Variants in SERPINI1 observed in about 807,000 individuals in gnomAD.
SERPINI1 encodes neuroserpin.
A neutral mutation model predicts 41.1 loss-of-function variants in SERPINI1; 19 were observed. That is an observed-to-expected ratio of 0.46 (90% confidence interval 0.32 to 0.68). The LOEUF (loss-of-function observed/expected upper bound fraction) is 0.68. SERPINI1 is among the 30% of genes least tolerant of loss of function. SERPINI1 has a pLI of 0.03. For missense variants in SERPINI1, 460 were observed against 479.2 expected (o/e 0.96, Z 0.37); for synonymous variants, 138 against 156.6 (o/e 0.88, Z 0.89).
At chr3:167,780,949 A>G (rs1043513824) in intron 1 of SERPINI1, among the ~76,000 whole-genome samples, 1 of 152,134 alleles carries the variant, frequency 6.6e-6, no homozygotes, top group Non-Finnish European at 1.5e-5. Flanking sequence ...TCTAACACAT[A>G]ATTGTCTGTG....
chr3:167,798,567 GTT>G (rs752080748), intron 5 of SERPINI1, among the ~76,000 whole-genome samples: 14 of 151,910 alleles, frequency 9.2e-5, no homozygotes, highest in Non-Finnish European at 1.6e-4. Flanking sequence ...TATACTCTGT[GTT>G]TACTCAAGTG....
At chr3:167,791,611 C>G (rs1727514272) in intron 3 of SERPINI1, among the ~76,000 whole-genome samples, 1 of 152,134 alleles carries the variant, frequency 6.6e-6, no homozygotes, top group Non-Finnish European at 1.5e-5. Flanking sequence ...TTTTCAAACT[C>G]CTTTAGACAC....
chr3:167,744,768 T>A (rs541666289), intron 1 of SERPINI1, among the ~76,000 whole-genome samples: 1 of 97,670 alleles, frequency 1.0e-5, no homozygotes, highest in African/African-American at 4.4e-5. Flanking sequence ...ATATTAAATA[T>A]ATATTATATA....
chr3:167,759,399 G>GATATAT (rs1364573755), intron 1 of SERPINI1, among the ~76,000 whole-genome samples: 3 of 81,620 alleles, frequency 3.7e-5, no homozygotes, highest in Middle Eastern at 9.3e-3. Context: ...AAGAAAATGT[G>GATATAT]GTATATATAT....
At chr3:167,762,769 G>C (rs539081594) in intron 1 of SERPINI1, among the ~76,000 whole-genome samples, 11 of 151,816 alleles carry the variant, frequency 7.2e-5, no homozygotes, top group African/African-American at 2.7e-4. Flanking sequence ...CTTTCACTGA[G>C]GTTTTTTTTT....
intron 5 of SERPINI1, among the ~76,000 whole-genome samples, chr3:167,800,928 C>A (rs1253808416): frequency 6.6e-6 from 1 of 152,218 alleles, no homozygotes; most frequent in East Asian, 1.9e-4. Flanking sequence ...AGCCATTCTC[C>A]TGCCTCAGCC....
intron 1 of SERPINI1, among the ~76,000 whole-genome samples, chr3:167,777,412 G>A (rs1291913826): frequency 6.6e-6 from 1 of 152,156 alleles, no homozygotes; most frequent in Non-Finnish European, 1.5e-5. Flanking sequence ...GGATTGACCA[G>A]AGATTTATTT....
At chr3:167,815,832 G>A (rs951858995) in intron 6 of SERPINI1, among the ~76,000 whole-genome samples, 2 of 152,100 alleles carry the variant, frequency 1.3e-5, no homozygotes, top group Admixed American at 6.6e-5. Context: ...GAATCCAAAC[G>A]TTGCATTCAA....
chr3:167,759,912 G>T (rs1284014101), intron 1 of SERPINI1, among the ~76,000 whole-genome samples: 1 of 152,078 alleles, frequency 6.6e-6, no homozygotes, highest in East Asian at 1.9e-4. Flanking sequence ...ATTCTGACAG[G>T]TATTTCTGTA....
In SERPINI1 at chr3:167,748,359, A is replaced by G. The variant is rs542698925; in HGVS notation, c.-19+12536A>G. On this transcript the variant is annotated intron_variant, in intron 1 of 8. Transcript: ENST00000446050. The stretch of plus-strand genomic sequence containing the variant: ...CTATATTTGTATAAGACAAGGCAGA[A>G]TTCGAGGCAAAACCTTTAAGGTCAA... Among the ~76,000 whole-genome samples the G allele has an allele frequency of 3.9e-5, 6 of 152,350 alleles. No homozygotes were observed. The East Asian group carries it at 1.2e-3, about 29-fold the overall frequency.
chr3:167,802,947 A>G (rs1395736204), intron 5 of SERPINI1, among the ~76,000 whole-genome samples: 2 of 151,176 alleles, frequency 1.3e-5, no homozygotes, highest in African/African-American at 2.4e-5. Context: ...CTATGCAGCC[A>G]TAAAAAATGA....
chr3:167,750,365 A>G (rs1302060356), intron 1 of SERPINI1, among the ~76,000 whole-genome samples: 1 of 152,218 alleles, frequency 6.6e-6, no homozygotes, highest in Non-Finnish European at 1.5e-5. Flanking sequence ...ATATTTTTTC[A>G]GCCATGCAGT....
chr3:167,772,988 A>G (rs1171049643), intron 1 of SERPINI1, among the ~76,000 whole-genome samples: 2 of 104,508 alleles, frequency 1.9e-5, no homozygotes, highest in South Asian at 2.6e-4. Flanking sequence ...GTATATATAT[A>G]TATTTCTCTG....
rs1711681871 is a variant in SERPINI1 at position 167,807,300 on chromosome 3, C to T, written c.938C>T (p.Thr313Ile). Residue 313 changes from threonine (T) to isoleucine (I), a missense_variant, in exon 6 of 9, where the codon ACT becomes ATT. Transcript: ENST00000446050. ...GATGTTTTGAAGGCTCTTGGAATAA[C>T]TGAAATTTTCATCAAAGATGCAAAT... Reference protein sequence around the residue: ...LKDVLKALGITEIFIKDANLT... With the variant: ...LKDVLKALGIIEIFIKDANLT... The T allele has an allele frequency of 6.2e-7, 1 of 1,612,782 alleles. No individual in the cohort carries two copies. The highest frequency in any genetic ancestry group is 2.2e-5 in the East Asian group (1 of 44,720).
At chr3:167,804,209 AGTTT>A (rs1711544218) in intron 5 of SERPINI1, among the ~76,000 whole-genome samples, 2 of 152,194 alleles carry the variant, frequency 1.3e-5, no homozygotes, top group Admixed American at 6.5e-5. Flanking sequence ...CACTCAGTTT[AGTTT>A]GTTTGATATA....
At chr3:167,781,726 A>G (rs1297462351) in intron 1 of SERPINI1, among the ~76,000 whole-genome samples, 2 of 146,554 alleles carry the variant, frequency 1.4e-5, no homozygotes, top group Non-Finnish European at 3.0e-5. Flanking sequence ...CTTTTTCTCA[A>G]CTCACAATTA....
At chr3:167,740,871 C>T (rs1254832159) in intron 1 of SERPINI1, among the ~76,000 whole-genome samples, 1 of 152,196 alleles carries the variant, frequency 6.6e-6, no homozygotes, top group African/African-American at 2.4e-5. Flanking sequence ...CCCTCCCCTA[C>T]ACGATTTCCA....
chr3:167,814,956 G>A (rs1171905365), intron 6 of SERPINI1, among the ~76,000 whole-genome samples: 1 of 152,158 alleles, frequency 6.6e-6, no homozygotes, highest in Non-Finnish European at 1.5e-5. Context: ...AAAACTATTT[G>A]CCTTTGCTTG....
chr3:167,802,063 G>T (rs1020681591), intron 5 of SERPINI1, among the ~76,000 whole-genome samples: 2 of 152,088 alleles, frequency 1.3e-5, no homozygotes, highest in Admixed American at 1.3e-4. Flanking sequence ...TGGGGAAACT[G>T]GCTAGCCATA....
Sources: gnomAD v4.1 joint callset for allele counts (sites outside exome capture counted in the v4.1 genomes callset) on GRCh38, gnomAD v4.1.1 for gene constraint, MANE v1.5 for transcripts, NCBI Gene and HGNC (gene_info 2026-07-23, HGNC 2026-07-21) for gene names.